The following GSE1 variants were observed in gnomAD, a reference collection of about 807,000 sequenced individuals.
GSE1 encodes the protein genetic suppressor element 1.
A neutral mutation model predicts 112.6 loss-of-function variants in GSE1; 32 were observed. The observed-to-expected ratio is 0.28, with a 90% CI of 0.21 to 0.38. GSE1 has a LOEUF of 0.38. Ranked by LOEUF, GSE1 falls within the 10% of genes least tolerant of loss-of-function variation. The pLI is 1.00. For synonymous variants in GSE1, 1,115 were observed against 735.6 expected (o/e 1.52, Z -8.35); for missense variants, 2,348 against 1,699.2 (o/e 1.38, Z -6.71).
Position 85,358,630 on chromosome 16 carries a change from C to T in GSE1, c.2464+987C>T, listed in dbSNP as rs150131957. On this transcript the variant is annotated intron_variant, in intron 2 of 2. Coordinates refer to the GSE1 transcript ENST00000637419. ...CCAAGCCCTGGACTTTGATCTGGGA[C>T]CTCCATCTGCAGGGCAACCCCAATA... 6.6e-3 allele frequency among the ~76,000 whole-genome samples: 1,002 copies of T among 152,282 alleles called. 16 individuals carry two copies. The highest frequency in any genetic ancestry group is 0.023 in the African/African-American group (945 of 41,538).
chr16:85,472,391 C>G (rs967559972), intron 2 of GSE1, among the ~76,000 whole-genome samples: 1 of 152,172 alleles, frequency 6.6e-6, no homozygotes, highest in Non-Finnish European at 1.5e-5. Context: ...GCCACACTGC[C>G]GTGGTCCCTG....
At chr16:85,576,803 G>A (rs186088053) in intron 1 of GSE1, among the ~76,000 whole-genome samples, 49 of 152,282 alleles carry the variant, frequency 3.2e-4, no homozygotes, top group Middle Eastern at 3.4e-3. Flanking sequence ...TGTCCTTGGG[G>A]ATCATGGTGC....
At position 85,668,452 on chromosome 16, in the gene GSE1, A is replaced by AG. The variant is rs553614041; in HGVS notation, c.3415+33dup. 5.7e-4 allele frequency: 506 copies of AG among 887,080 alleles called. 3 individuals are homozygous for AG. The African/African-American group carries it at 6.5e-3, about 11-fold the overall frequency. 55.0% of individuals were successfully genotyped at this position (887,080 alleles called of 1,614,324 possible). ...AAGGGGGTGCTGGGGAAGAGGGGGG[A>AG]GGGGGTCAGGAAAGTACCTTTGGAA... On this transcript the variant is annotated intron_variant, in intron 14 of 15. Coordinates refer to ENST00000253458, the MANE Select transcript of GSE1 (RefSeq NM_014615.5).
intron 2 of GSE1, among the ~76,000 whole-genome samples, chr16:85,647,662 C>A (rs1048589429): frequency 6.6e-6 from 1 of 152,282 alleles, no homozygotes; most frequent in Admixed American, 6.5e-5. Flanking sequence ...TCTCTGCTCA[C>A]CAGAACCTCC....
intron 2 of GSE1, among the ~76,000 whole-genome samples, chr16:85,462,508 G>A (rs2049995621): frequency 6.6e-6 from 1 of 152,026 alleles, no homozygotes; most frequent in African/African-American, 2.4e-5. Flanking sequence ...GAAATGAAAA[G>A]CGGCCCCAAT....
intron 1 of GSE1, among the ~76,000 whole-genome samples, chr16:85,304,673 A>C: frequency 7.0e-6 from 1 of 143,468 alleles, no homozygotes; most frequent in South Asian, 2.3e-4. Context: ...GTGAAAAGCC[A>C]CCTGTTGGCA....
At chr16:85,422,132 C>T (rs1436294471) in intron 2 of GSE1, among the ~76,000 whole-genome samples, 2 of 152,092 alleles carry the variant, frequency 1.3e-5, no homozygotes, top group Non-Finnish European at 2.9e-5. Flanking sequence ...CCAGGGTGTG[C>T]CCGGGTCATC....
chr16:85,246,273 A>C (rs1179723999), intron 1 of GSE1, among the ~76,000 whole-genome samples: 152 of 118,864 alleles, frequency 1.3e-3, no homozygotes, highest in African/African-American at 3.3e-3. Flanking sequence ...ACACACACAC[A>C]CCCCACACGC....
chr16:85,388,357 T>A (rs2047749102), intron 2 of GSE1, among the ~76,000 whole-genome samples: 1 of 58,336 alleles, frequency 1.7e-5, no homozygotes, highest in African/African-American at 7.8e-5. Flanking sequence ...GATGGATGGG[T>A]GAGTGGATGG....
chr16:85,652,303 C>A (rs539852237), intron 3 of GSE1, among the ~76,000 whole-genome samples: 24 of 152,370 alleles, frequency 1.6e-4, no homozygotes, highest in Non-Finnish European at 2.2e-4. Context: ...GCCCCTCGGC[C>A]ACTCCCCCAC....
chr16:85,264,545 G>T (rs1207568641), intron 1 of GSE1, among the ~76,000 whole-genome samples: 1 of 152,192 alleles, frequency 6.6e-6, no homozygotes, highest in East Asian at 1.9e-4. Context: ...TGGAACTGAG[G>T]TCTAAGAATC....
At chr16:85,646,402 C>G (rs926700437) in intron 2 of GSE1, among the ~76,000 whole-genome samples, 5 of 152,254 alleles carry the variant, frequency 3.3e-5, no homozygotes, top group African/African-American at 1.2e-4. Context: ...GCTGCTGTGA[C>G]ACGGGGTCTG....
intron 2 of GSE1, among the ~76,000 whole-genome samples, chr16:85,640,601 G>A (rs1245841756): frequency 6.6e-6 from 1 of 152,230 alleles, no homozygotes; most frequent in Non-Finnish European, 1.5e-5. Flanking sequence ...GACTACGTGT[G>A]CGGGGACCAC....
chr16:85,354,545 A>T (rs1423009754), intron 1 of GSE1, among the ~76,000 whole-genome samples: 1 of 151,894 alleles, frequency 6.6e-6, no homozygotes, highest in East Asian at 1.9e-4. Context: ...AGCCATCTCC[A>T]CCCCAGGAGG....
chr16:85,601,109 C>G (rs8053534), intron 1 of GSE1, among the ~76,000 whole-genome samples: 13,833 of 152,034 alleles, frequency 0.091, 2,063 homozygotes, highest in African/African-American at 0.31. Flanking sequence ...AGATGGGGCT[C>G]TGCTGGGGGA....
intron 1 of GSE1, among the ~76,000 whole-genome samples, chr16:85,274,156 C>T (rs975583226): frequency 7.3e-5 from 11 of 151,410 alleles, no homozygotes; most frequent in Non-Finnish European, 1.2e-4. Context: ...GAGGCTGAAG[C>T]GGCTGGATCA....
chr16:85,500,998 G>GTTTTTTTTTTGTTTTT lies in GSE1; in HGVS notation c.2465-132906_2465-132905insGTTTTTTTTTTTTTTT, dbSNP rs2051342155. Reference sequence around the variant, plus strand: ...ACCCTACTCCAGTATGGCCTGTTCTGTTTTTTTTTTTTTTTTTTTTTTTTT... The same window carrying GTTTTTTTTTTGTTTTT: ...ACCCTACTCCAGTATGGCCTGTTCTGTTTTTTTTTTGTTTTTTTTTTTTTTTTTTTTTTTTTTTTTT... On this transcript the variant is annotated intron_variant, in intron 2 of 2. Coordinates refer to the GSE1 transcript ENST00000637419. Among the ~76,000 whole-genome samples the GTTTTTTTTTTGTTTTT allele has an allele frequency of 4.2e-4, 27 of 64,832 alleles. 2 individuals carry two copies. Among genetic ancestry groups the GTTTTTTTTTTGTTTTT allele is most frequent in the African/African-American group, 1.7e-3 (26 of 15,184 alleles). The allele number at this position is 64,832 out of a possible 152,430, so 42.5% of individuals were successfully genotyped here. A position where few individuals can be genotyped will look rare whatever the true frequency, so the allele number is the denominator to read the frequency against.
intron 2 of GSE1, among the ~76,000 whole-genome samples, chr16:85,546,895 C>T (rs973347574): frequency 5.3e-5 from 8 of 152,246 alleles, no homozygotes; most frequent in African/African-American, 1.4e-4. Flanking sequence ...GGAAGGCTGG[C>T]GGGCCACTTC....
At chr16:85,653,568 C>T (rs2051627937) in intron 3 of GSE1, among the ~76,000 whole-genome samples, 1 of 151,730 alleles carries the variant, frequency 6.6e-6, no homozygotes, top group Admixed American at 6.6e-5. Flanking sequence ...CACCCAGGTC[C>T]ACTGTGTCCA....
Sources: allele counts gnomAD v4.1 joint callset (sites outside exome capture counted in the v4.1 genomes callset), GRCh38; gene constraint gnomAD v4.1.1; transcripts MANE v1.5; gene names NCBI Gene and HGNC (gene_info 2026-07-23, HGNC 2026-07-21).